FCAR: variants seen among roughly 807,000 people sequenced by gnomAD.
FCAR encodes the protein immunoglobulin alpha Fc receptor.
FCAR carries 21 observed loss-of-function variants against 27.1 expected under a neutral mutation model. That is an observed-to-expected ratio of 0.77 (90% confidence interval 0.55 to 1.11). The LOEUF (loss-of-function observed/expected upper bound fraction) is 1.11, where lower values mean the gene tolerates loss of function less well. Ranked by LOEUF, FCAR falls within the 50% of genes most tolerant of loss-of-function variation. The pLI is 0.00. For synonymous variants in FCAR, 134 were observed against 135.8 expected (o/e 0.99, Z 0.09); for missense variants, 404 against 358.4 (o/e 1.13, Z -1.03).
intron 4 of FCAR, among the ~76,000 whole-genome samples, chr19:54,889,371 C>CAAAA (rs764886901): frequency 3.9e-5 from 3 of 77,622 alleles, no homozygotes; most frequent in Non-Finnish European, 7.5e-5. Context: ...GACTCCATCT[C>CAAAA]AAAAAAAAAA....
chr19:54,890,622 G>GTTTC lies in FCAR; in HGVS notation c.*760_*763dup, dbSNP rs2067027837. ...TTACAGTATTTTTAGTAGAGACGGG[G>GTTTC]TTTCATCACATTGGCCAAGCTGGTC... On this transcript the variant is annotated 3_prime_UTR_variant, in exon 5 of 5. Transcript: ENST00000355524. 1 of 151,914 alleles carries GTTTC rather than the reference G, an allele frequency of 6.6e-6. No individual in the cohort carries two copies. Among genetic ancestry groups the GTTTC allele is most frequent in the East Asian group, 2.0e-4 (1 of 5,124 alleles). The allele number at this position is 151,914 out of a possible 1,614,324, so 9.4% of individuals were successfully genotyped here. A position where few individuals can be genotyped will look rare whatever the true frequency, so the allele number is the denominator to read the frequency against.
Position 54,888,050 on chromosome 19 carries a change from G to T in FCAR, c.405G>T (p.Val135=). ...KPFLSADRGL[V]LMPGENISLT... Reference sequence around the variant, plus strand: ...TCCTCTCTGCAGATCGGGGTCTGGTGTTGATGCCAGGAGAGAATATTTCCC... The same window carrying T: ...TCCTCTCTGCAGATCGGGGTCTGGTTTTGATGCCAGGAGAGAATATTTCCC... The change falls in exon 4 of 5, where the codon GTG becomes GTT. Residue 135 remains valine, a synonymous_variant. Transcript: ENST00000355524. 1.9e-6 allele frequency: 3 copies of T among 1,614,140 alleles called. No homozygotes were observed. Among genetic ancestry groups the T allele is most frequent in the Non-Finnish European group, 2.5e-6 (3 of 1,179,974 alleles).
chr19:54,880,221 C>A (rs947833266), intron 2 of FCAR, among the ~76,000 whole-genome samples: 4 of 151,832 alleles, frequency 2.6e-5, no homozygotes, highest in Non-Finnish European at 4.4e-5. Context: ...TTTTCATGAT[C>A]CCATATTTCT....
At chr19:54,879,407 T>C (rs764470889) in intron 2 of FCAR, among the ~76,000 whole-genome samples, 108 of 152,316 alleles carry the variant, frequency 7.1e-4, no homozygotes, top group Non-Finnish European at 1.2e-3. Context: ...ATATTTAGCG[T>C]TCCTCTTAGG....
chr19:54,883,917 A>T (rs1177405531), intron 2 of FCAR, among the ~76,000 whole-genome samples: 1 of 152,128 alleles, frequency 6.6e-6, no homozygotes, highest in Non-Finnish European at 1.5e-5. Context: ...AGATCACACC[A>T]CTGCACTCCA....
At chr19:54,877,481 T>C (rs919716315) in intron 2 of FCAR, among the ~76,000 whole-genome samples, 1 of 152,148 alleles carries the variant, frequency 6.6e-6, no homozygotes, top group Non-Finnish European at 1.5e-5. Context: ...CCGGATCATC[T>C]CTCTTTTCTT....
In FCAR at chr19:54,889,785, T is replaced by A. The variant is rs139147488; in HGVS notation, c.786T>A (p.Asp262Glu). 1.9e-6 allele frequency: 3 copies of A among 1,613,466 alleles called. No homozygotes were observed. Among genetic ancestry groups the A allele is most frequent in the African/African-American group, 2.7e-5 (2 of 74,886 alleles). The change falls in exon 5 of 5, where the codon GAT becomes GAA. Residue 262 changes from aspartate (D) to glutamate (E), a missense_variant. Transcript: ENST00000355524. ...CACTGAACAAGGAAGCCTCGGCAGA[T>A]GTGGCTGAACCGAGCTGGAGCCAAC... ...HTALNKEASA[D>E]VAEPSWSQQM...
chr19:54,887,593 C>CTTGGGCAATAAGAG (rs2066812064), intron 3 of FCAR, among the ~76,000 whole-genome samples: 1 of 151,122 alleles, frequency 6.6e-6, no homozygotes, highest in African/African-American at 2.4e-5. Flanking sequence ...TGCACTGCAG[C>CTTGGGCAATAAGAG]CTCAGTGACA....
At chr19:54,883,805 A>C (rs2066550185) in intron 2 of FCAR, among the ~76,000 whole-genome samples, 1 of 152,060 alleles carries the variant, frequency 6.6e-6, no homozygotes, top group Admixed American at 6.5e-5. Context: ...ATACAAAAAA[A>C]AATTAGCCAG....
intron 2 of FCAR, among the ~76,000 whole-genome samples, chr19:54,876,680 GAA>G: frequency 6.6e-6 from 1 of 152,154 alleles, no homozygotes; most frequent in Non-Finnish European, 1.5e-5. Context: ...AGCACTTTGG[GAA>G]GCCAAGGCTT....
At position 54,889,870 on chromosome 19, in the gene FCAR, G is replaced by C; in HGVS notation, c.*7G>C. The C allele has an allele frequency of 1.3e-6, 2 of 1,592,712 alleles. No homozygotes were observed. Among genetic ancestry groups the C allele is most frequent in the Non-Finnish European group, 1.7e-6 (2 of 1,172,822 alleles). ...ACCAAGTGTCTGCAAGTAAACACCT[G>C]GAGGTGAAGGCAGAGAGGAGCCAGG... On this transcript the variant is annotated 3_prime_UTR_variant, in exon 5 of 5. Coordinates refer to ENST00000355524, the MANE Select transcript of FCAR (RefSeq NM_002000.4).
In FCAR at chr19:54,889,775, C is replaced by T; in HGVS notation, c.776C>T (p.Ala259Val). Residue 259 changes from alanine to valine, a missense_variant, in exon 5 of 5, where the codon GCC becomes GTC. By Grantham distance (64) the Ala-to-Val change is moderately conservative. Transcript: ENST00000355524. The part of the protein sequence containing the change: ...WHSHTALNKE[A>V]SADVAEPSWS... ...AGCCATACGGCACTGAACAAGGAAGCCTCGGCAGATGTGGCTGAACCGAGC... is the reference window on the plus strand; with the variant it reads ...AGCCATACGGCACTGAACAAGGAAGTCTCGGCAGATGTGGCTGAACCGAGC... 1 of 1,613,806 alleles carries T rather than the reference C, an allele frequency of 6.2e-7. No individual in the cohort carries two copies.
chr19:54,889,621 C>A (rs776658915), intron 4 of FCAR, 28 bp from the exon 5 acceptor site: 3 of 1,569,162 alleles, frequency 1.9e-6, no homozygotes, highest in Non-Finnish European at 1.8e-6. Flanking sequence ...AACCACCAAC[C>A]ATTCATCTCC....
intron 2 of FCAR, among the ~76,000 whole-genome samples, chr19:54,878,514 A>G (rs181365262): frequency 1.2e-3 from 181 of 151,966 alleles, no homozygotes; most frequent in Non-Finnish European, 1.7e-3. Context: ...GTGCATATAT[A>G]TTTAGGATAG....
intron 2 of FCAR, among the ~76,000 whole-genome samples, chr19:54,875,940 A>T (rs2066067278): frequency 6.6e-6 from 1 of 152,100 alleles, no homozygotes; most frequent in South Asian, 2.1e-4. Context: ...TGTGTTGAAC[A>T]ATACTCATTC....
At chr19:54,880,121 G>C (rs2066331088) in intron 2 of FCAR, among the ~76,000 whole-genome samples, 1 of 152,174 alleles carries the variant, frequency 6.6e-6, no homozygotes, top group African/African-American at 2.4e-5. Flanking sequence ...CGTTGGGGAA[G>C]TTTTCATGAA....
intron 2 of FCAR, among the ~76,000 whole-genome samples, chr19:54,880,440 T>C (rs182769804): frequency 2.1e-3 from 326 of 152,344 alleles, no homozygotes; most frequent in Non-Finnish European, 3.4e-3. Context: ...TCTCATAGAT[T>C]AGCCCCTCTG....
intron 2 of FCAR, among the ~76,000 whole-genome samples, chr19:54,882,988 C>A (rs1660377510): frequency 6.6e-6 from 1 of 151,918 alleles, no homozygotes; most frequent in South Asian, 2.1e-4. Flanking sequence ...CCACAAGGCT[C>A]TTTTGTAGTT....
At chr19:54,878,406 C>T (rs927999980) in intron 2 of FCAR, among the ~76,000 whole-genome samples, 11 of 152,098 alleles carry the variant, frequency 7.2e-5, no homozygotes, top group East Asian at 3.8e-4. Flanking sequence ...ATACTGTCGG[C>T]GGGATGTTAA....
Sources: allele counts gnomAD v4.1 joint callset (sites outside exome capture counted in the v4.1 genomes callset), GRCh38; gene constraint gnomAD v4.1.1; transcripts MANE v1.5; gene names NCBI Gene and HGNC (gene_info 2026-07-23, HGNC 2026-07-21).